Variants in ARMC9 observed in about 807,000 individuals in gnomAD.
The protein encoded by ARMC9 is lisH domain-containing protein ARMC9.
Under a neutral mutation model 107.0 loss-of-function variants are expected in ARMC9, and 94 were observed. The ratio of observed to expected loss-of-function variants is 0.88; its 90% CI spans 0.74 to 1.04. The LOEUF (loss-of-function observed/expected upper bound fraction) is 1.04. Among genes scored for constraint, ARMC9 ranks in the 50% least tolerant of loss-of-function variants. ARMC9 has a pLI of 0.00. For missense variants in ARMC9, 942 were observed against 1,030.1 expected, an observed-to-expected ratio of 0.91 and a Z score of 1.17; for synonymous variants, 380 against 396.9, an observed-to-expected ratio of 0.96 and a Z score of 0.51.
At position 231,255,447 on chromosome 2, in the gene ARMC9, A is replaced by G. The variant is rs1417233525; in HGVS notation, c.880-1139A>G. On this transcript the variant is annotated intron_variant, in intron 9 of 24. Coordinates refer to ENST00000611582, the MANE Select transcript of ARMC9 (RefSeq NM_001352754.2). The surrounding 1 kb of genome is among the most constrained non-coding windows in gnomAD (Gnocchi z 4.7). Reference sequence around the variant, plus strand: ...GATTCATATTGCTTTTGTTCTTCACAATGTATTTAACTAGGCAGTTTGAAA... The same window carrying G: ...GATTCATATTGCTTTTGTTCTTCACGATGTATTTAACTAGGCAGTTTGAAA... Among the ~76,000 whole-genome samples the G allele has an allele frequency of 6.6e-6, 1 of 152,234 alleles. No homozygotes were observed. The highest frequency in any genetic ancestry group is 6.5e-5 in the Admixed American group (1 of 15,278).
At position 231,273,083 on chromosome 2, in the gene ARMC9, C is replaced by T. The variant is rs750105595; in HGVS notation, c.1334+5C>T. 4 of 1,611,970 alleles carry T rather than the reference C, an allele frequency of 2.5e-6. No homozygotes were observed. The highest frequency in any genetic ancestry group is 2.2e-5 in the East Asian group (1 of 44,836). ...CCTGCAGAAGTTCAGTCTCAGGTAA[C>T]GACTGTGCAATAGGTCACGGTGTCT... On this transcript the variant is annotated splice_donor_5th_base_variant and intron_variant, in intron 14 of 24. Transcript: ENST00000611582.
chr2:231,337,270 G>GTATGTATATATATATATATATATATA (rs1553631911), intron 20 of ARMC9, among the ~76,000 whole-genome samples: 1 of 76,408 alleles, frequency 1.3e-5, no homozygotes, highest in African/African-American at 5.8e-5. Flanking sequence ...ACGTGTGTGT[G>GTATGTATATATATATATATATATATA]TATATATATA....
intron 12 of ARMC9, among the ~76,000 whole-genome samples, chr2:231,265,596 A>G (rs1057425095): frequency 1.3e-5 from 2 of 152,156 alleles, no homozygotes; most frequent in African/African-American, 4.8e-5. Flanking sequence ...GACAGTGTTC[A>G]CTGTATCCAC....
intron 21 of ARMC9, among the ~76,000 whole-genome samples, chr2:231,354,263 T>TA (rs759691541): frequency 0.034 from 3,462 of 100,366 alleles, 163 homozygotes; most frequent in Admixed American, 0.11. Flanking sequence ...CATCTCCATT[T>TA]AAAAAAAAAA....
intron 23 of ARMC9, among the ~76,000 whole-genome samples, chr2:231,363,275 G>A (rs1469248865): frequency 6.6e-6 from 1 of 152,222 alleles, no homozygotes; most frequent in African/African-American, 2.4e-5. Flanking sequence ...GGTGGGGAAC[G>A]TTTGTCCCCT....
Position 231,296,200 on chromosome 2 carries a change from G to T in ARMC9, c.1720G>T (p.Glu574Ter). 1 of 1,611,912 alleles carries T rather than the reference G, an allele frequency of 6.2e-7. No homozygotes were observed. The highest frequency in any genetic ancestry group is 8.5e-7 in the Non-Finnish European group (1 of 1,178,762). Residue 574 changes from glutamate (E) to a stop codon, truncating the protein, a stop_gained and splice_region_variant, in exon 19 of 25, where the codon GAG becomes TAG. Transcript: ENST00000611582. LOFTEE classifies it high-confidence loss of function. ...EFIIKQLNSE[E>*]LPDGVLESDD... ...ATTGATTCTTTTTTTCTTTATAGAA[G>T]AGCTACCAGATGGTGTTCTTGAATC...
At chr2:231,231,501 G>A (rs79421283) in intron 7 of ARMC9, among the ~76,000 whole-genome samples, 2 of 150,318 alleles carry the variant, frequency 1.3e-5, no homozygotes, top group Admixed American at 6.6e-5. Flanking sequence ...CTAGTGCCTC[G>A]GCCACCTGAG....
intron 17 of ARMC9, among the ~76,000 whole-genome samples, 193 bp downstream of exon 17, chr2:231,282,326 GA>G (rs2040278514): frequency 6.6e-6 from 1 of 152,192 alleles, no homozygotes; most frequent in South Asian, 2.1e-4. Flanking sequence ...TCCTCAAGGG[GA>G]TCCCTAACTC....
intron 4 of ARMC9, 148 bp downstream of exon 4, chr2:231,215,149 T>G: frequency 1.3e-6 from 1 of 786,334 alleles, no homozygotes; most frequent in Non-Finnish European, 1.9e-6. Flanking sequence ...TGGTGAGTGA[T>G]TTTCTACTGT....
At chr2:231,348,842 A>G (rs1178283298) in intron 21 of ARMC9, among the ~76,000 whole-genome samples, 7 of 152,268 alleles carry the variant, frequency 4.6e-5, no homozygotes, top group Non-Finnish European at 7.3e-5. Context: ...GGTGCTCAGC[A>G]TCATTGATCA....
intron 5 of ARMC9, among the ~76,000 whole-genome samples, chr2:231,220,147 T>C (rs180676651): frequency 6.6e-6 from 1 of 152,350 alleles, no homozygotes; most frequent in Non-Finnish European, 1.5e-5. Flanking sequence ...AAACTCACCC[T>C]CCAGCTATGT....
In ARMC9 at chr2:231,333,574, A is replaced by G. The variant is rs184594124; in HGVS notation, c.1878+1677A>G. Among the ~76,000 whole-genome samples the G allele has an allele frequency of 8.4e-4, 128 of 152,310 alleles. No homozygotes were observed. The East Asian group carries it at 0.014, about 17-fold the overall frequency. ...CGTCAAGGTTCCAAGTTGTTGATGGAAGCCTAAGGCTTGACTAGGCCTCTG... is the reference window on the plus strand; with the variant it reads ...CGTCAAGGTTCCAAGTTGTTGATGGGAGCCTAAGGCTTGACTAGGCCTCTG... On this transcript the variant is annotated intron_variant, in intron 20 of 24. Transcript: ENST00000611582.
intron 19 of ARMC9, among the ~76,000 whole-genome samples, chr2:231,326,610 G>A (rs1180598221): frequency 1.3e-5 from 2 of 152,172 alleles, no homozygotes; most frequent in African/African-American, 2.4e-5. Context: ...CTGACTATGT[G>A]GTTGAGAGAG....
At chr2:231,314,166 G>A (rs1005826656) in intron 19 of ARMC9, among the ~76,000 whole-genome samples, 2 of 149,940 alleles carry the variant, frequency 1.3e-5, no homozygotes, top group African/African-American at 4.9e-5. Flanking sequence ...TACAACCTCC[G>A]CCTCACAGGT....
At chr2:231,216,513 C>T in intron 4 of ARMC9, 125 bp from the exon 5 acceptor site, 2 of 1,071,106 alleles carry the variant, frequency 1.9e-6, no homozygotes, top group Non-Finnish European at 2.7e-6. Context: ...AATGCACCTG[C>T]CAGGTTAGAT....
At chr2:231,256,302 G>C (rs150983164) in intron 9 of ARMC9, 1 of 1,555,206 alleles carries the variant, frequency 6.4e-7, no homozygotes, top group African/African-American at 1.4e-5. Context: ...CGGAGGTTGC[G>C]CTGAGCTTGC....
At chr2:231,220,259 T>A (rs1458173125) in intron 5 of ARMC9, among the ~76,000 whole-genome samples, 1 of 152,104 alleles carries the variant, frequency 6.6e-6, no homozygotes, top group Non-Finnish European at 1.5e-5. Flanking sequence ...GCTGGGACAT[T>A]TTTATAGTCT....
intron 19 of ARMC9, among the ~76,000 whole-genome samples, chr2:231,324,150 T>C (rs1397801858): frequency 1.6e-5 from 2 of 122,854 alleles, no homozygotes; most frequent in East Asian, 2.4e-4. Context: ...TTTTTTGTGA[T>C]GTAGTCTTGC....
intron 17 of ARMC9, among the ~76,000 whole-genome samples, chr2:231,284,230 A>T (rs1164639528): frequency 6.6e-6 from 1 of 152,194 alleles, no homozygotes; most frequent in African/African-American, 2.4e-5. Context: ...TTTGTACACT[A>T]GGATCTTATT....
Sources: allele counts gnomAD v4.1 joint callset (sites outside exome capture counted in the v4.1 genomes callset), GRCh38; gene constraint gnomAD v4.1.1; non-coding constraint Gnocchi (gnomAD v3.1); transcripts MANE v1.5; gene names NCBI Gene and HGNC (gene_info 2026-07-23, HGNC 2026-07-21).